Variants in NKAIN2 observed in about 807,000 individuals in gnomAD.
The protein encoded by NKAIN2 is sodium/potassium transporting ATPase interacting 2.
NKAIN2 carries 14 observed loss-of-function variants against 32.6 expected under a neutral mutation model. The ratio of observed to expected loss-of-function variants is 0.43; its 90% CI spans 0.28 to 0.67. The LOEUF (loss-of-function observed/expected upper bound fraction) is 0.67, where lower values mean the gene tolerates loss of function less well. NKAIN2 is among the 30% of genes least tolerant of loss of function. The probability of loss-of-function intolerance (pLI) is 0.17; values close to 1 mark genes in which losing one functional copy is unlikely to be tolerated. For synonymous variants in NKAIN2, 80 were observed against 87.2 expected, an observed-to-expected ratio of 0.92 and a Z score of 0.46; for missense variants, 198 against 258.3, an observed-to-expected ratio of 0.77 and a Z score of 1.60.
At chr6:124,257,451 C>T (rs2114829861) in intron 1 of NKAIN2, among the ~76,000 whole-genome samples, 1 of 152,288 alleles carries the variant, frequency 6.6e-6, no homozygotes, top group Middle Eastern at 3.4e-3. Flanking sequence ...CCCATATTTT[C>T]TGAACAATGG....
intron 1 of NKAIN2, among the ~76,000 whole-genome samples, chr6:124,028,447 C>T (rs552899395): frequency 1.3e-5 from 2 of 150,382 alleles, no homozygotes; most frequent in African/African-American, 2.4e-5. Context: ...TGCTAAATGA[C>T]GAGTTAATGG....
In NKAIN2 at chr6:124,229,013, A is replaced by G. The variant is rs561832812; in HGVS notation, c.55-53992A>G. 2.0e-5 allele frequency among the ~76,000 whole-genome samples: 3 copies of G among 152,200 alleles called. No homozygotes were observed. The East Asian group carries it at 5.8e-4, about 29-fold the overall frequency. On this transcript the variant is annotated intron_variant, in intron 1 of 6. Coordinates refer to ENST00000368417, the MANE Select transcript of NKAIN2 (RefSeq NM_001040214.3). ...GATCATATAATACTGTTAGTCAACTAATAAATATGGCACAATTGAAGGTGT... is the reference window on the plus strand; with the variant it reads ...GATCATATAATACTGTTAGTCAACTGATAAATATGGCACAATTGAAGGTGT...
At chr6:123,945,856 T>C (rs767500685) in intron 1 of NKAIN2, among the ~76,000 whole-genome samples, 1 of 152,166 alleles carries the variant, frequency 6.6e-6, no homozygotes, top group Non-Finnish European at 1.5e-5. Context: ...CTGATTCCTG[T>C]TGGGTAAGAC....
At chr6:123,914,505 C>G (rs187819879) in intron 1 of NKAIN2, among the ~76,000 whole-genome samples, 1 of 152,086 alleles carries the variant, frequency 6.6e-6, no homozygotes, top group East Asian at 1.9e-4. Flanking sequence ...GGCCCCATTT[C>G]AAATACAGCC....
intron 2 of NKAIN2, among the ~76,000 whole-genome samples, chr6:124,311,365 T>C (rs28401722): frequency 6.6e-6 from 1 of 152,144 alleles, no homozygotes; most frequent in Admixed American, 6.6e-5. Context: ...CCGCATTTAA[T>C]AGGATTATGG....
At chr6:124,429,985 G>A (rs1038435301) in intron 3 of NKAIN2, among the ~76,000 whole-genome samples, 1 of 148,646 alleles carries the variant, frequency 6.7e-6, no homozygotes, top group Non-Finnish European at 1.5e-5. Context: ...ATGAAATGAG[G>A]CAATAAAAAA....
intron 1 of NKAIN2, among the ~76,000 whole-genome samples, chr6:124,109,675 G>A (rs1785281908): frequency 2.6e-5 from 4 of 152,002 alleles, no homozygotes; most frequent in Admixed American, 2.6e-4. Flanking sequence ...TGGCATTCTT[G>A]CCTCATTCCT....
At chr6:124,079,049 C>T (rs1282398406) in intron 1 of NKAIN2, among the ~76,000 whole-genome samples, 1 of 152,074 alleles carries the variant, frequency 6.6e-6, no homozygotes, top group Non-Finnish European at 1.5e-5. Context: ...TAGCCAGGCA[C>T]AGTGGATTAT....
intron 1 of NKAIN2, among the ~76,000 whole-genome samples, chr6:124,069,660 C>T (rs1032594006): frequency 7.2e-5 from 11 of 152,154 alleles, no homozygotes; most frequent in Admixed American, 7.2e-4. Context: ...TCCCAGCTTT[C>T]CTGTGGAGAT....
intron 4 of NKAIN2, among the ~76,000 whole-genome samples, chr6:124,733,121 C>T (rs182155729): frequency 9.2e-5 from 14 of 151,764 alleles, no homozygotes; most frequent in African/African-American, 2.2e-4. Context: ...AAAACTATAG[C>T]GACAGTAAAA....
intron 3 of NKAIN2, among the ~76,000 whole-genome samples, chr6:124,578,417 A>G (rs1393101205): frequency 6.6e-6 from 1 of 151,908 alleles, no homozygotes; most frequent in South Asian, 2.1e-4. Context: ...TTGAGTGAAC[A>G]TTGGCAGTAG....
At chr6:124,158,347 C>T (rs1788092331) in intron 1 of NKAIN2, among the ~76,000 whole-genome samples, 1 of 152,266 alleles carries the variant, frequency 6.6e-6, no homozygotes, top group South Asian at 2.1e-4. Flanking sequence ...AAGGCCCTGT[C>T]TCTGAACATA....
intron 1 of NKAIN2, among the ~76,000 whole-genome samples, chr6:123,997,805 G>A (rs1178022598): frequency 1.1e-4 from 16 of 151,728 alleles, no homozygotes; most frequent in African/African-American, 3.4e-4. Context: ...GGGTTTCACC[G>A]TGTTAGCCAG....
At chr6:124,806,083 G>A (rs1012229172) in intron 5 of NKAIN2, among the ~76,000 whole-genome samples, 93 of 152,152 alleles carry the variant, frequency 6.1e-4, no homozygotes, top group Non-Finnish European at 1.0e-3. Flanking sequence ...TTATCCAGGA[G>A]AACTTCTCCA....
intron 3 of NKAIN2, among the ~76,000 whole-genome samples, chr6:124,567,059 C>T (rs1371124519): frequency 1.3e-5 from 2 of 152,224 alleles, no homozygotes; most frequent in African/African-American, 4.8e-5. Flanking sequence ...GACCTTTTAA[C>T]ATTTTCCCAA....
chr6:124,557,234 A>G (rs1319580288), intron 3 of NKAIN2, among the ~76,000 whole-genome samples: 1 of 152,212 alleles, frequency 6.6e-6, no homozygotes, highest in Admixed American at 6.5e-5. Flanking sequence ...AAATGCTTCT[A>G]CTTCTTGACT....
intron 1 of NKAIN2, among the ~76,000 whole-genome samples, chr6:124,236,847 G>T (rs554330740): frequency 6.6e-6 from 1 of 152,074 alleles, no homozygotes; most frequent in South Asian, 2.1e-4. Context: ...GACACTAAAG[G>T]TATTGGAAAA....
chr6:124,069,024 AT>A (rs1298293726), intron 1 of NKAIN2, among the ~76,000 whole-genome samples: 1 of 151,810 alleles, frequency 6.6e-6, no homozygotes, highest in East Asian at 2.0e-4. Context: ...AAAGATCACA[AT>A]TTTTTTTGTT....
intron 3 of NKAIN2, among the ~76,000 whole-genome samples, chr6:124,550,746 G>A (rs1046332747): frequency 6.6e-6 from 1 of 152,194 alleles, no homozygotes; most frequent in African/African-American, 2.4e-5. Flanking sequence ...AAGTGGAGGG[G>A]CTGTGCTTTG....
Sources: allele counts gnomAD v4.1 joint callset (sites outside exome capture counted in the v4.1 genomes callset), GRCh38; gene constraint gnomAD v4.1.1; transcripts MANE v1.5; gene names NCBI Gene and HGNC (gene_info 2026-07-23, HGNC 2026-07-21).